GPHN: variants seen among roughly 807,000 people sequenced by gnomAD.
GPHN encodes the protein gephyrin.
Under a neutral mutation model 95.5 loss-of-function variants are expected in GPHN, and 17 were observed. That is an observed-to-expected ratio of 0.18 (90% CI 0.12 to 0.27). GPHN has a LOEUF of 0.27. Among genes scored for constraint, GPHN ranks in the 10% least tolerant of loss-of-function variants. The pLI is 1.00. For missense variants in GPHN, 660 were observed against 978.1 expected, an observed-to-expected ratio of 0.67 and a Z score of 4.34; for synonymous variants, 320 against 322.5, an observed-to-expected ratio of 0.99 and a Z score of 0.08.
chr14:67,625,488 C>T, the GPHN span, among the ~76,000 whole-genome samples: 1 of 151,270 alleles, frequency 6.6e-6, no homozygotes, highest in Non-Finnish European at 1.5e-5. Flanking sequence ...AGACCAGCCT[C>T]AACATGGAGA....
chr14:67,729,100 CCTT>C, the GPHN span: 13 of 1,321,338 alleles, frequency 9.8e-6, no homozygotes, highest in Non-Finnish European at 1.3e-5. Context: ...CTGAGTCCCT[CCTT>C]CTCACTTGTG....
chr14:67,664,791 T>C, the GPHN span, among the ~76,000 whole-genome samples: 1 of 152,218 alleles, frequency 6.6e-6, no homozygotes, highest in East Asian at 1.9e-4. Context: ...GCCGGGCTTA[T>C]GGAGAAATGG....
intron 8 of GPHN, among the ~76,000 whole-genome samples, chr14:66,958,907 T>G (rs1214768458): frequency 1.3e-5 from 2 of 152,156 alleles, no homozygotes; most frequent in Non-Finnish European, 2.9e-5. Context: ...GTTTTTTATC[T>G]CCTCTATTAC....
the GPHN span, among the ~76,000 whole-genome samples, chr14:67,534,778 C>T: frequency 6.6e-6 from 1 of 151,882 alleles, no homozygotes; most frequent in Admixed American, 6.6e-5. Flanking sequence ...ATGTTCCTCC[C>T]ATTCCTGATA....
At chr14:67,154,466 G>A (rs1053947953) in intron 18 of GPHN, among the ~76,000 whole-genome samples, 2 of 151,860 alleles carry the variant, frequency 1.3e-5, no homozygotes, top group African/African-American at 4.8e-5. Flanking sequence ...TTTGTGTCAG[G>A]GACTATGTCT....
At chr14:66,539,131 A>C (rs2059252667) in intron 1 of GPHN, among the ~76,000 whole-genome samples, 1 of 152,088 alleles carries the variant, frequency 6.6e-6, no homozygotes, top group Non-Finnish European at 1.5e-5. Flanking sequence ...AGAGGTTTTG[A>C]GATTAGCCCG....
At chr14:67,578,627 C>A in the GPHN span, 6 of 1,598,562 alleles carry the variant, frequency 3.8e-6, no homozygotes, top group Admixed American at 3.4e-5. This position sits in a 1 kb window ranked among gnomAD's most constrained non-coding sequence, Gnocchi z 5.0. Context: ...CCATGCAGAT[C>A]CCAGGTGAGT....
chr14:66,582,091 C>T (rs574068171), intron 1 of GPHN, among the ~76,000 whole-genome samples: 10 of 152,110 alleles, frequency 6.6e-5, no homozygotes, highest in African/African-American at 2.2e-4. Context: ...ACATTTTTCT[C>T]GAGCATTTTG....
At chr14:66,816,138 G>C (rs562882218) in intron 3 of GPHN, among the ~76,000 whole-genome samples, 1 of 152,206 alleles carries the variant, frequency 6.6e-6, no homozygotes, top group East Asian at 1.9e-4. Context: ...CACCAACACA[G>C]GAGCACCCAC....
chr14:67,150,462 A>C (rs962179810), intron 18 of GPHN, among the ~76,000 whole-genome samples: 4 of 149,540 alleles, frequency 2.7e-5, no homozygotes, highest in Non-Finnish European at 4.5e-5. Context: ...ACAAAAAAAA[A>C]AAAAAAAAAA....
At chr14:66,743,457 A>G (rs1035548278) in intron 2 of GPHN, among the ~76,000 whole-genome samples, 3 of 152,168 alleles carry the variant, frequency 2.0e-5, no homozygotes, top group African/African-American at 7.2e-5. Flanking sequence ...AGCATCCAGA[A>G]AAGCTTACTT....
chr14:66,827,691 C>T (rs2061433630), intron 4 of GPHN, among the ~76,000 whole-genome samples: 6 of 151,962 alleles, frequency 3.9e-5, no homozygotes, highest in Admixed American at 3.9e-4. Context: ...TAGCCTTTTA[C>T]TTGTTTTGAA....
chr14:67,559,522 T>C, the GPHN span: 13 of 858,916 alleles, frequency 1.5e-5, no homozygotes, highest in South Asian at 1.7e-4. Context: ...GCACGCACAC[T>C]TGGCCTTTCT....
chr14:67,149,204 C>G (rs1015037274), intron 18 of GPHN, among the ~76,000 whole-genome samples: 4 of 151,352 alleles, frequency 2.6e-5, no homozygotes, highest in Non-Finnish European at 4.4e-5. Context: ...ATTAGCTGGG[C>G]GTGGTGGCGG....
At chr14:67,412,008 G>A in the GPHN span, 2 of 1,547,486 alleles carry the variant, frequency 1.3e-6, no homozygotes, top group Non-Finnish European at 1.7e-6. Context: ...GAAGCTCGAC[G>A]CGCACTCACC....
chr14:67,651,470 T>C, the GPHN span: 2 of 1,613,808 alleles, frequency 1.2e-6, no homozygotes, highest in Non-Finnish European at 1.7e-6. Context: ...CAGCAGCTTG[T>C]TGGTTGTCAC....
rs531946266 is a variant in GPHN, at chr14:66,618,182, G to T, written c.65-62925G>T. On this transcript the variant is annotated intron_variant, in intron 1 of 22. Coordinates refer to ENST00000478722, the MANE Select transcript of GPHN (RefSeq NM_020806.5). ...TGAGTGAATATCCTTGGTTAGTTGA[G>T]AATTATTAGGATGATAGCCTTCAGT... 3.5e-4 allele frequency among the ~76,000 whole-genome samples: 54 copies of T among 152,118 alleles called. 1 individual carries two copies. The highest frequency in any genetic ancestry group is 2.4e-4 in the Non-Finnish European group (16 of 68,034).
At chr14:67,337,186 T>C in the GPHN span, among the ~76,000 whole-genome samples, 2 of 152,350 alleles carry the variant, frequency 1.3e-5, no homozygotes, top group Non-Finnish European at 2.9e-5. Flanking sequence ...TAGGAGATGT[T>C]AAATGCTTGC....
the GPHN span, among the ~76,000 whole-genome samples, chr14:67,272,754 G>A: frequency 1.3e-5 from 2 of 152,168 alleles, no homozygotes; most frequent in East Asian, 1.9e-4. Context: ...TGCCTCCTGG[G>A]TTCAAGTGAT....
Sources: gnomAD v4.1 joint callset for allele counts (sites outside exome capture counted in the v4.1 genomes callset) on GRCh38, gnomAD v4.1.1 for gene constraint, Gnocchi (gnomAD v3.1) non-coding constraint, MANE v1.5 for transcripts, NCBI Gene and HGNC (gene_info 2026-07-23, HGNC 2026-07-21) for gene names.